The following CACNA1D variants were observed in gnomAD, a reference collection of about 807,000 sequenced individuals.
The protein encoded by CACNA1D is voltage-dependent L-type calcium channel subunit alpha-1D.
A neutral mutation model predicts 257.1 loss-of-function variants in CACNA1D; 55 were observed. That is an observed-to-expected ratio of 0.21 (90% CI 0.17 to 0.27). CACNA1D has a LOEUF of 0.27. Ranked by LOEUF, CACNA1D falls within the 10% of genes least tolerant of loss-of-function variation. The probability of loss-of-function intolerance (pLI) is 1.00; values close to 1 mark genes in which losing one functional copy is unlikely to be tolerated. For synonymous variants in CACNA1D, 980 were observed against 1,014.9 expected (o/e 0.97, Z 0.65); for missense variants, 1,876 against 2,784.0 (o/e 0.67, Z 7.34).
chr3:53,636,464 C>T (rs1016001800), intron 3 of CACNA1D, among the ~76,000 whole-genome samples: 39 of 152,014 alleles, frequency 2.6e-4, no homozygotes, highest in Admixed American at 2.3e-3. Flanking sequence ...CCACCACGCC[C>T]GGCTAATTTT....
chr3:53,778,322 A>G (rs2095408596), intron 37 of CACNA1D, among the ~76,000 whole-genome samples: 1 of 152,126 alleles, frequency 6.6e-6, no homozygotes, highest in African/African-American at 2.4e-5. Flanking sequence ...AAAGCTTTCA[A>G]ATGTCCTTGA....
intron 17 of CACNA1D, among the ~76,000 whole-genome samples, chr3:53,731,770 G>A (rs1410298885): frequency 4.6e-5 from 7 of 152,214 alleles, no homozygotes. Flanking sequence ...GGCAAGGACA[G>A]AGCCCTGAAT....
chr3:53,726,035 T>A (rs775888549), intron 14 of CACNA1D, among the ~76,000 whole-genome samples: 3 of 152,214 alleles, frequency 2.0e-5, no homozygotes, highest in Non-Finnish European at 4.4e-5. Context: ...TGTAATTTCA[T>A]AGGTATAATT....
At chr3:53,755,868 A>G (rs2095261513) in intron 29 of CACNA1D, among the ~76,000 whole-genome samples, 1 of 152,180 alleles carries the variant, frequency 6.6e-6, no homozygotes, top group Non-Finnish European at 1.5e-5. Flanking sequence ...TCTTTCACAA[A>G]GAAGCCAGGG....
At chr3:53,550,197 A>G (rs916209621) in intron 3 of CACNA1D, among the ~76,000 whole-genome samples, 1 of 152,186 alleles carries the variant, frequency 6.6e-6, no homozygotes, top group Non-Finnish European at 1.5e-5. Flanking sequence ...ACGTGGGAGC[A>G]GTGGTGCTGG....
chr3:53,775,830 A>AATT, intron 34 of CACNA1D, 56 bp from the exon 35 acceptor site: 5 of 1,557,148 alleles, frequency 3.2e-6, no homozygotes, highest in Non-Finnish European at 4.4e-6. Flanking sequence ...CTAAGATCTA[A>AATT]GCTTCAAATT....
At chr3:53,703,138 C>T (rs867985245) in intron 9 of CACNA1D, among the ~76,000 whole-genome samples, 2 of 152,208 alleles carry the variant, frequency 1.3e-5, no homozygotes, top group Non-Finnish European at 2.9e-5. Context: ...ATTCTTGTAC[C>T]ACAGGAGAAG....
At chr3:53,766,400 G>T (rs2095332299) in intron 30 of CACNA1D, among the ~76,000 whole-genome samples, 1 of 152,338 alleles carries the variant, frequency 6.6e-6, no homozygotes, top group East Asian at 1.9e-4. Context: ...AATAGTCAGA[G>T]GGAAGACTGG....
At chr3:53,753,228 T>A (rs2095240819) in intron 28 of CACNA1D, among the ~76,000 whole-genome samples, 1 of 152,214 alleles carries the variant, frequency 6.6e-6, no homozygotes, top group Non-Finnish European at 1.5e-5. Flanking sequence ...CTAACCAAAT[T>A]CTACCTCTAT....
At chr3:53,641,259 A>G (rs1177327267) in intron 3 of CACNA1D, among the ~76,000 whole-genome samples, 1 of 152,110 alleles carries the variant, frequency 6.6e-6, no homozygotes, top group Non-Finnish European at 1.5e-5. Flanking sequence ...TTTAGATGTG[A>G]TGCAGTCCTG....
intron 19 of CACNA1D, among the ~76,000 whole-genome samples, chr3:53,733,963 T>TGTAC (rs2108777641): frequency 6.9e-6 from 1 of 144,362 alleles, no homozygotes; most frequent in South Asian, 2.2e-4. Flanking sequence ...TATGTATGTA[T>TGTAC]GTATGTATAT....
At chr3:53,781,136 A>G (rs1576646098) in intron 38 of CACNA1D, among the ~76,000 whole-genome samples, 1 of 152,248 alleles carries the variant, frequency 6.6e-6, no homozygotes, top group African/African-American at 2.4e-5. Context: ...ATGGATGAGT[A>G]CATATAGTAG....
At chr3:53,568,672 C>T (rs2092891353) in intron 3 of CACNA1D, among the ~76,000 whole-genome samples, 1 of 152,204 alleles carries the variant, frequency 6.6e-6, no homozygotes. Context: ...GCTTTTTCTT[C>T]TAGACTGGAT....
At chr3:53,514,864 G>T (rs145522882) in intron 3 of CACNA1D, among the ~76,000 whole-genome samples, 8 of 152,262 alleles carry the variant, frequency 5.3e-5, no homozygotes, top group Non-Finnish European at 1.0e-4. Context: ...CATTTTTTTA[G>T]GTGTTCTTAC....
Position 53,798,531 on chromosome 3 carries a change from GTCAGGAAGCT to G in CACNA1D, c.4924-1716_4924-1707del, listed in dbSNP as rs151286978. ...CCCCTATAAGATCTCAGCATTCCTA[GTCAGGAAGCT>G]TAAAGCTTTCATTCCCAGCTCTTCC... On this transcript the variant is annotated intron_variant, in intron 40 of 47. Transcript: ENST00000350061. Among the ~76,000 whole-genome samples, 488 of 152,276 alleles carry G rather than the reference GTCAGGAAGCT, an allele frequency of 3.2e-3. 3 individuals are homozygous for G. Among genetic ancestry groups the G allele is most frequent in the African/African-American group, 0.011 (472 of 41,556 alleles).
chr3:53,517,487 C>CT (rs529370207), intron 3 of CACNA1D, among the ~76,000 whole-genome samples: 2,333 of 140,682 alleles, frequency 0.017, 53 homozygotes, highest in African/African-American at 0.049. Flanking sequence ...TTCTTTCTTT[C>CT]TTTTTTTTTT....
At chr3:53,574,248 C>T (rs1397593692) in intron 3 of CACNA1D, among the ~76,000 whole-genome samples, 4 of 152,324 alleles carry the variant, frequency 2.6e-5, no homozygotes, top group Middle Eastern at 3.4e-3. Flanking sequence ...GTACACATCC[C>T]TTCCTCTGCA....
rs183537579 is a variant in CACNA1D at position 53,736,898 on chromosome 3, A to C, written c.2751+1395A>C. 4.4e-3 allele frequency among the ~76,000 whole-genome samples: 668 copies of C among 152,038 alleles called. 2 individuals carry two copies. The highest frequency in any genetic ancestry group is 0.015 in the African/African-American group (626 of 41,458). On this transcript the variant is annotated intron_variant, in intron 20 of 47. Coordinates refer to ENST00000350061, the MANE Select transcript of CACNA1D (RefSeq NM_001128840.3). The stretch of plus-strand genomic sequence containing the variant: ...GCAAGACCCTGTCTCTAAAAAAAAA[A>C]AAAAAACAAAAAGAACTCTAGATTT...
chr3:53,565,714 AAAAC>A (rs1216461137), intron 3 of CACNA1D, among the ~76,000 whole-genome samples: 1 of 152,240 alleles, frequency 6.6e-6, no homozygotes, highest in African/African-American at 2.4e-5. Context: ...TATAAGGTGA[AAAAC>A]AAGATAATGC....
Sources: gnomAD v4.1 joint callset for allele counts (sites outside exome capture counted in the v4.1 genomes callset) on GRCh38, gnomAD v4.1.1 for gene constraint, MANE v1.5 for transcripts, NCBI Gene and HGNC (gene_info 2026-07-23, HGNC 2026-07-21) for gene names.